The following UBR2 variants were observed in gnomAD, a reference collection of about 807,000 sequenced individuals.
UBR2 encodes E3 ubiquitin-protein ligase UBR2.
UBR2 carries 92 observed loss-of-function variants against 247.9 expected under a neutral mutation model. That is an observed-to-expected ratio of 0.37 (90% CI 0.31 to 0.44). UBR2 has a LOEUF of 0.44. UBR2 is among the 20% of genes least tolerant of loss of function. The pLI, the probability that UBR2 is intolerant of heterozygous loss-of-function variation, is 1.00. For missense variants in UBR2, 1,613 were observed against 2,112.6 expected (o/e 0.76, Z 4.64); for synonymous variants, 672 against 693.5 (o/e 0.97, Z 0.49).
chr6:42,677,960 T>G (rs911027650), intron 40 of UBR2, among the ~76,000 whole-genome samples: 1 of 152,192 alleles, frequency 6.6e-6, no homozygotes, highest in African/African-American at 2.4e-5. Context: ...CTCAGGAGGC[T>G]GAGGTGGGAG....
Position 42,564,230 on chromosome 6 carries a change from G to T in UBR2, c.-90G>T. On this transcript the variant is annotated 5_prime_UTR_variant, in exon 1 of 47. Coordinates refer to ENST00000372901, the MANE Select transcript of UBR2 (RefSeq NM_001363705.2). ...TGGACGGCTCCGGGACTGATTGCCT[G>T]GGGCAGGGGTGGCAGTCGAGGCCGC... 6.9e-7 allele frequency: 1 copy of T among 1,455,274 alleles called. No homozygotes were observed. The highest frequency in any genetic ancestry group is 9.4e-7 in the Non-Finnish European group (1 of 1,064,606). 90.1% of individuals were successfully genotyped at this position (1,455,274 alleles called of 1,614,324 possible). A position where few individuals can be genotyped will look rare whatever the true frequency, so the allele number is the denominator to read the frequency against.
intron 31 of UBR2, among the ~76,000 whole-genome samples, chr6:42,662,808 C>T (rs939229975): frequency 1.3e-5 from 2 of 152,110 alleles, no homozygotes; most frequent in East Asian, 3.8e-4. Flanking sequence ...CTAGCCACCA[C>T]ATTGTAGTCC....
chr6:42,564,636 G>A lies in UBR2; in HGVS notation c.78+239G>A, dbSNP rs146982727. Among the ~76,000 whole-genome samples, 452 of 152,322 alleles carry A rather than the reference G, an allele frequency of 3.0e-3. 3 individuals carry two copies. Among genetic ancestry groups the A allele is most frequent in the African/African-American group, 0.01 (431 of 41,574 alleles). ...TACGTTTACTTTCCCTTTCTGCCCAGGAGAACCCACGGCTCTTCCATCATA... is the reference window on the plus strand; with the variant it reads ...TACGTTTACTTTCCCTTTCTGCCCAAGAGAACCCACGGCTCTTCCATCATA... On this transcript the variant is annotated intron_variant, in intron 1 of 46. Transcript: ENST00000372901.
In UBR2 at chr6:42,674,122, G is replaced by A. The variant is rs1798587658; in HGVS notation, c.4184-4G>A. On this transcript the variant is annotated splice_polypyrimidine_tract_variant and splice_region_variant and intron_variant, in intron 37 of 46. Coordinates refer to ENST00000372901, the MANE Select transcript of UBR2 (RefSeq NM_001363705.2). ...TGCTAATGTATTTCTCTTTAAATCT[G>A]TAGCACTGGTGCCTAATGACAGCCA... The A allele has an allele frequency of 6.2e-7, 1 of 1,612,746 alleles. No homozygotes were observed. Among genetic ancestry groups the A allele is most frequent in the South Asian group, 1.1e-5 (1 of 90,794 alleles).
At chr6:42,681,430 T>C (rs914017500) in intron 42 of UBR2, among the ~76,000 whole-genome samples, 2 of 151,640 alleles carry the variant, frequency 1.3e-5, no homozygotes, top group Non-Finnish European at 2.9e-5. Context: ...TAAAACCCAA[T>C]TAAAAAATAG....
chr6:42,568,571 A>C (rs919233402), intron 1 of UBR2, among the ~76,000 whole-genome samples: 2 of 152,084 alleles, frequency 1.3e-5, no homozygotes, highest in Non-Finnish European at 2.9e-5. Flanking sequence ...CTACTAAAAA[A>C]TACAAAAAAT....
chr6:42,598,060 G>A (rs187243523), intron 4 of UBR2, among the ~76,000 whole-genome samples: 248 of 152,244 alleles, frequency 1.6e-3, no homozygotes, highest in African/African-American at 5.8e-3. Flanking sequence ...GGGAAACCTG[G>A]TGATATAGAA....
chr6:42,615,398 CTT>C lies in UBR2; in HGVS notation c.1093+221_1093+222del, dbSNP rs1292033804. 2.6e-5 allele frequency among the ~76,000 whole-genome samples: 4 copies of C among 152,128 alleles called. No individual in the cohort carries two copies. The East Asian group carries it at 5.8e-4, about 22-fold the overall frequency. The stretch of plus-strand genomic sequence containing the variant: ...TTGTTACAGAATTATGTTTAGAAAA[CTT>C]GGTTTTATAAACAAATTGCAAATAT... On this transcript the variant is annotated intron_variant, in intron 9 of 46. Coordinates refer to ENST00000372901, the MANE Select transcript of UBR2 (RefSeq NM_001363705.2).
At chr6:42,614,439 C>T (rs28671258) in intron 8 of UBR2, among the ~76,000 whole-genome samples, 60,701 of 88,210 alleles carry the variant, frequency 0.69, 22,395 homozygotes, top group East Asian at 0.83. Context: ...TATGTATGTA[C>T]GTACATATAT....
At chr6:42,572,749 G>A (rs935447478) in intron 1 of UBR2, among the ~76,000 whole-genome samples, 1 of 147,660 alleles carries the variant, frequency 6.8e-6, no homozygotes, top group Non-Finnish European at 1.5e-5. Flanking sequence ...ACAGACTCTT[G>A]CTCTGTCGCC....
At chr6:42,667,587 C>CTTTTTTTT (rs1161068427) in intron 34 of UBR2, among the ~76,000 whole-genome samples, 177 of 47,392 alleles carry the variant, frequency 3.7e-3, no homozygotes, top group Admixed American at 5.2e-3. Context: ...ACAGTTTTGT[C>CTTTTTTTT]TTTTTTTTTT....
chr6:42,663,130 ATAATT>A (rs1227915388), intron 31 of UBR2, 123 bp from the exon 32 acceptor site: 7 of 760,436 alleles, frequency 9.2e-6, no homozygotes, highest in Non-Finnish European at 1.3e-5. Flanking sequence ...CATGTTAAAA[ATAATT>A]TAGTTTAAGA....
chr6:42,688,280 C>T lies in UBR2; in HGVS notation c.4918C>T (p.Leu1640=), dbSNP rs377215716. 4.3e-6 allele frequency: 7 copies of T among 1,614,028 alleles called. No individual in the cohort carries two copies. In the African/African-American group the frequency reaches 8.0e-5, roughly 18 times the overall value. Residue 1640 remains leucine (L), a synonymous_variant, in exon 45 of 47, where the codon CTG becomes TTG. Transcript: ENST00000372901. ...TCTGTGCCTTGTGTGCGGATCTCTG[C>T]TGTGCTCCCAGAGTTACTGCTGCCA... ...PTLCLVCGSL[L]CSQSYCCQTE...
intron 30 of UBR2, 142 bp from the exon 31 acceptor site, chr6:42,662,040 AAT>A: frequency 1.9e-6 from 1 of 535,342 alleles, no homozygotes; most frequent in Non-Finnish European, 3.3e-6. Flanking sequence ...GTGTTGCATA[AAT>A]TGGTATCTCA....
At chr6:42,598,732 A>G (rs566075068) in intron 4 of UBR2, among the ~76,000 whole-genome samples, 1 of 152,166 alleles carries the variant, frequency 6.6e-6, no homozygotes, top group African/African-American at 2.4e-5. Context: ...TGTGAATCTC[A>G]TAACTGATTG....
At chr6:42,688,127 G>A in intron 44 of UBR2, 89 bp from the exon 45 acceptor site, 2 of 1,497,764 alleles carry the variant, frequency 1.3e-6, no homozygotes, top group Non-Finnish European at 1.9e-6. Context: ...ACTTGATATT[G>A]CAGAATTCTT....
In UBR2 at chr6:42,564,346, G is replaced by C; in HGVS notation, c.27G>C (p.Val9=). The C allele has an allele frequency of 6.2e-7, 1 of 1,612,376 alleles. No homozygotes were observed. The highest frequency in any genetic ancestry group is 8.5e-7 in the Non-Finnish European group (1 of 1,179,386). MASELEPE[V]QAIDRSLLEC... ...TGGCGTCGGAGCTAGAGCCAGAGGTGCAGGCCATCGACCGGAGCTTGCTGG... is the reference window on the plus strand; with the variant it reads ...TGGCGTCGGAGCTAGAGCCAGAGGTCCAGGCCATCGACCGGAGCTTGCTGG... The change falls in exon 1 of 47, where the codon GTG becomes GTC. Residue 9 remains valine, a synonymous_variant. Coordinates refer to ENST00000372901, the MANE Select transcript of UBR2 (RefSeq NM_001363705.2).
intron 2 of UBR2, among the ~76,000 whole-genome samples, chr6:42,588,670 AAAC>A (rs1032462770): frequency 2.6e-5 from 4 of 152,136 alleles, no homozygotes; most frequent in Non-Finnish European, 5.9e-5. Context: ...CTATCCCAAG[AAAC>A]AACAACAACA....
intron 2 of UBR2, among the ~76,000 whole-genome samples, chr6:42,590,784 G>C (rs570163206): frequency 2.6e-5 from 4 of 152,170 alleles, no homozygotes; most frequent in African/African-American, 9.7e-5. Context: ...AAGTGATAAA[G>C]AAGATAAAAA....
Sources: gnomAD v4.1 joint callset for allele counts (sites outside exome capture counted in the v4.1 genomes callset) on GRCh38, gnomAD v4.1.1 for gene constraint, MANE v1.5 for transcripts, NCBI Gene and HGNC (gene_info 2026-07-23, HGNC 2026-07-21) for gene names.